NFATC1: variants seen among roughly 807,000 people sequenced by gnomAD.
NFATC1 encodes nuclear factor of activated T-cells, cytoplasmic 1.
A neutral mutation model predicts 76.0 loss-of-function variants in NFATC1; 22 were observed. The ratio of observed to expected loss-of-function variants is 0.29; its 90% CI spans 0.21 to 0.41. NFATC1 has a LOEUF of 0.41. NFATC1 is among the 10% of genes least tolerant of loss of function. The pLI, the probability that NFATC1 is intolerant of heterozygous loss-of-function variation, is 1.00. For synonymous variants in NFATC1, 704 were observed against 613.1 expected (o/e 1.15, Z -2.19); for missense variants, 1,357 against 1,337.7 (o/e 1.01, Z -0.23).
intron 8 of NFATC1, among the ~76,000 whole-genome samples, chr18:79,483,769 G>C: frequency 6.8e-6 from 1 of 147,770 alleles, no homozygotes; most frequent in African/African-American, 2.5e-5. Flanking sequence ...TCGTTCCTGA[G>C]GTGTCACTCC....
chr18:79,422,816 G>A (rs1466771133), intron 2 of NFATC1: 1 of 152,230 alleles, frequency 6.6e-6, no homozygotes, highest in Non-Finnish European at 1.5e-5. Flanking sequence ...AGTTTTTCTG[G>A]GAGGGAGAAA....
At chr18:79,484,417 C>T (rs1034644220) in intron 8 of NFATC1, among the ~76,000 whole-genome samples, 3 of 152,144 alleles carry the variant, frequency 2.0e-5, no homozygotes, top group African/African-American at 7.2e-5. Context: ...GACGTCCCCA[C>T]CTCCTGGTCA....
intron 9 of NFATC1, among the ~76,000 whole-genome samples, chr18:79,512,401 C>T (rs984209373): frequency 2.0e-5 from 3 of 152,168 alleles, no homozygotes; most frequent in East Asian, 1.9e-4. Context: ...GCAGCCACTC[C>T]GCCACACCCA....
At chr18:79,466,585 G>A (rs994740367) in intron 7 of NFATC1, among the ~76,000 whole-genome samples, 10 of 152,300 alleles carry the variant, frequency 6.6e-5, no homozygotes, top group East Asian at 3.9e-4. Context: ...CATGAGTTTC[G>A]TAAACATGCT....
At chr18:79,443,280 GACA>G in intron 3 of NFATC1, among the ~76,000 whole-genome samples, 1 of 152,288 alleles carries the variant, frequency 6.6e-6, no homozygotes, top group African/African-American at 2.4e-5. Context: ...CGCGCGTATG[GACA>G]CACACCTGCA....
At chr18:79,510,972 G>A (rs139729381) in intron 9 of NFATC1, among the ~76,000 whole-genome samples, 163 of 152,344 alleles carry the variant, frequency 1.1e-3, no homozygotes, top group Non-Finnish European at 1.6e-3. Flanking sequence ...TTGTCGCTGC[G>A]GTGGAAGTGT....
chr18:79,441,789 G>A (rs994456130), intron 3 of NFATC1, among the ~76,000 whole-genome samples: 3 of 152,058 alleles, frequency 2.0e-5, no homozygotes, highest in Non-Finnish European at 4.4e-5. Context: ...ACGGGGTTGC[G>A]GCGTTTCCCA....
chr18:79,488,143 C>CA (rs2089568059), intron 9 of NFATC1, among the ~76,000 whole-genome samples: 1 of 152,192 alleles, frequency 6.6e-6, no homozygotes, highest in Non-Finnish European at 1.5e-5. Context: ...GGAGTGAGGC[C>CA]AAACGCCTTC....
At chr18:79,402,089 A>G (rs2085283236) in intron 1 of NFATC1, among the ~76,000 whole-genome samples, 1 of 152,314 alleles carries the variant, frequency 6.6e-6, no homozygotes, top group East Asian at 1.9e-4. Flanking sequence ...GCGCACCCCC[A>G]GTGACAAGGG....
intron 1 of NFATC1, among the ~76,000 whole-genome samples, chr18:79,402,023 G>A (rs1341112781): frequency 6.6e-6 from 1 of 152,232 alleles, no homozygotes; most frequent in African/African-American, 2.4e-5. Context: ...GGCCTCCCAG[G>A]CCTCCAGGGT....
chr18:79,456,388 C>T lies in NFATC1; in HGVS notation c.1903+4572C>T, dbSNP rs1020348589. Among the ~76,000 whole-genome samples the T allele has an allele frequency of 2.6e-5, 4 of 152,324 alleles. No homozygotes were observed. In the East Asian group the frequency reaches 7.7e-4, roughly 29 times the overall value. On this transcript the variant is annotated intron_variant, in intron 6 of 9. Coordinates refer to ENST00000427363, the MANE Select transcript of NFATC1 (RefSeq NM_001278669.2). Reference sequence around the variant, plus strand: ...GGAGTCCCCAGGCCTGAAGCCACTCCCTCCGGGCTCACCTTCAGGTTCCTT... The same window carrying T: ...GGAGTCCCCAGGCCTGAAGCCACTCTCTCCGGGCTCACCTTCAGGTTCCTT...
In NFATC1 at chr18:79,399,732, A is replaced by G. The variant is rs191329930; in HGVS notation, c.127+3381A>G. 5.0e-3 allele frequency among the ~76,000 whole-genome samples: 758 copies of G among 151,788 alleles called. 4 individuals carry two copies. The highest frequency in any genetic ancestry group is 0.018 in the African/African-American group (725 of 41,420). ...GGGTGTTTGGAGGCTGGGGACTCGC[A>G]GGAGAGGCCGGTGGGTGCCGGGCCT... On this transcript the variant is annotated intron_variant, in intron 1 of 9. Transcript: ENST00000427363.
At chr18:79,462,702 A>G (rs1161543511) in intron 7 of NFATC1, among the ~76,000 whole-genome samples, 2 of 152,080 alleles carry the variant, frequency 1.3e-5, no homozygotes, top group Non-Finnish European at 2.9e-5. Context: ...TCTCTAGGCC[A>G]ACATAAGATG....
At chr18:79,433,858 G>A (rs1457703993) in intron 3 of NFATC1, 120 bp downstream of exon 3, 1 of 1,285,232 alleles carries the variant, frequency 7.8e-7, no homozygotes, top group Non-Finnish European at 1.0e-6. Flanking sequence ...GCTCTGTCGT[G>A]GTTAGTCCCG....
At chr18:79,476,665 C>T (rs141276306) in intron 8 of NFATC1, among the ~76,000 whole-genome samples, 1 of 152,118 alleles carries the variant, frequency 6.6e-6, no homozygotes, top group African/African-American at 2.4e-5. Context: ...ACGTGATAAA[C>T]CTGAGGGAAA....
rs1569028871 is a variant in NFATC1 at position 79,493,429 on chromosome 18, C to G, written c.2782+6492C>G. On this transcript the variant is annotated intron_variant, in intron 9 of 9. Transcript: ENST00000427363. ...GGCCGTCCCTCGGCGCGGGGCTGGT[C>G]TGCCACGGGCGCCTCCCCGTGTCCC... 3 of 152,382 alleles carry G rather than the reference C, an allele frequency of 2.0e-5. No individual in the cohort carries two copies. In the East Asian group the frequency reaches 5.8e-4, roughly 29 times the overall value. 9.4% of individuals were successfully genotyped at this position (152,382 alleles called of 1,614,324 possible).
chr18:79,493,338 C>A (rs428324), intron 9 of NFATC1: 1 of 152,118 alleles, frequency 6.6e-6, no homozygotes, highest in Non-Finnish European at 1.5e-5. Context: ...GCTCGGGGCC[C>A]GCTGCGGTGC....
intron 3 of NFATC1, among the ~76,000 whole-genome samples, chr18:79,439,027 C>G (rs2086878469): frequency 6.6e-6 from 1 of 152,254 alleles, no homozygotes. Context: ...CTGACTAATT[C>G]TCACTTTGTG....
At chr18:79,442,080 G>T (rs374188783) in intron 3 of NFATC1, among the ~76,000 whole-genome samples, 16 of 152,324 alleles carry the variant, frequency 1.1e-4, no homozygotes, top group African/African-American at 3.8e-4. Context: ...GGTCGAGGTG[G>T]GAAGCGCGCT....
Sources: gnomAD v4.1 joint callset for allele counts (sites outside exome capture counted in the v4.1 genomes callset) on GRCh38, gnomAD v4.1.1 for gene constraint, MANE v1.5 for transcripts, NCBI Gene and HGNC (gene_info 2026-07-23, HGNC 2026-07-21) for gene names.